SAMD12: variants seen among roughly 807,000 people sequenced by gnomAD.
The protein encoded by SAMD12 is sterile alpha motif domain-containing protein 12.
A neutral mutation model predicts 15.0 loss-of-function variants in SAMD12; 9 were observed. The ratio of observed to expected loss-of-function variants is 0.60; its 90% CI spans 0.36 to 1.05. The LOEUF (loss-of-function observed/expected upper bound fraction) is 1.05. Among genes scored for constraint, SAMD12 ranks in the 50% least tolerant of loss-of-function variants. SAMD12 has a pLI of 0.01. For synonymous variants in SAMD12, 86 were observed against 90.1 expected, an observed-to-expected ratio of 0.96 and a Z score of 0.25; for missense variants, 230 against 234.2, an observed-to-expected ratio of 0.98 and a Z score of 0.12.
intron 3 of SAMD12, among the ~76,000 whole-genome samples, chr8:118,439,596 C>A (rs1006806423): frequency 6.7e-6 from 1 of 149,456 alleles, no homozygotes; most frequent in Non-Finnish European, 1.5e-5. Context: ...ACCCTGCACC[C>A]TGATTCCCAT....
At chr8:118,353,583 G>C (rs1818069437) in intron 4 of SAMD12, among the ~76,000 whole-genome samples, 1 of 152,154 alleles carries the variant, frequency 6.6e-6, no homozygotes, top group Admixed American at 6.5e-5. Context: ...CTGGAACCAT[G>C]AGAAATAGAT....
intron 2 of SAMD12, among the ~76,000 whole-genome samples, chr8:118,521,604 G>A (rs1312807473): frequency 5.3e-5 from 8 of 152,192 alleles, no homozygotes; most frequent in Admixed American, 1.3e-4. Flanking sequence ...TATGGCTGAA[G>A]TGACTGATGC....
At chr8:118,540,161 T>G (rs1424643289) in intron 2 of SAMD12, among the ~76,000 whole-genome samples, 1 of 152,132 alleles carries the variant, frequency 6.6e-6, no homozygotes, top group African/African-American at 2.4e-5. Flanking sequence ...CAGATGCCAG[T>G]TCTATTTCAT....
chr8:118,279,759 A>G (rs1437383692), intron 4 of SAMD12, among the ~76,000 whole-genome samples: 4 of 152,232 alleles, frequency 2.6e-5, no homozygotes, highest in Admixed American at 1.3e-4. Flanking sequence ...TATTTGATGC[A>G]TTATTGCTGA....
intron 4 of SAMD12, among the ~76,000 whole-genome samples, chr8:118,363,219 G>C (rs1818590166): frequency 6.6e-6 from 1 of 152,158 alleles, no homozygotes; most frequent in South Asian, 2.1e-4. Context: ...CACTGCGATG[G>C]TTAATTTTGT....
At chr8:118,269,687 T>A (rs1392599065) in intron 4 of SAMD12, among the ~76,000 whole-genome samples, 1 of 152,208 alleles carries the variant, frequency 6.6e-6, no homozygotes, top group Non-Finnish European at 1.5e-5. Flanking sequence ...CAAGACGTTT[T>A]ATTCAATCAG....
intron 4 of SAMD12, among the ~76,000 whole-genome samples, chr8:118,251,382 C>T (rs1372356239): frequency 6.6e-6 from 1 of 152,020 alleles, no homozygotes; most frequent in Non-Finnish European, 1.5e-5. Context: ...TCAAAGCCCG[C>T]CCTGGTTTTT....
At chr8:118,190,352 T>G (rs768577390) in exon 5 of SAMD12, 7 of 152,188 alleles carry the variant, frequency 4.6e-5, no homozygotes, top group Non-Finnish European at 8.8e-5. Flanking sequence ...CCTCTCAGTT[T>G]GGCACCTCCA....
intron 1 of SAMD12, among the ~76,000 whole-genome samples, chr8:118,616,596 C>T (rs1199001013): frequency 2.0e-5 from 3 of 152,210 alleles, no homozygotes; most frequent in Non-Finnish European, 2.9e-5. Context: ...AATCAACTCT[C>T]TGATGAGCAA....
At chr8:118,195,114 T>TA (rs1378522818) in exon 5 of SAMD12, 3 of 152,132 alleles carry the variant, frequency 2.0e-5, no homozygotes, top group African/African-American at 7.2e-5. Flanking sequence ...TCCTTTGACT[T>TA]AAAAAAACAA....
chr8:118,483,829 G>A (rs541833664), intron 2 of SAMD12, among the ~76,000 whole-genome samples: 29 of 152,122 alleles, frequency 1.9e-4, no homozygotes, highest in Middle Eastern at 3.4e-3. Flanking sequence ...CCCCCATTTC[G>A]TTGACAAGAA....
chr8:118,596,944 C>A (rs1024652771), intron 1 of SAMD12, among the ~76,000 whole-genome samples: 4 of 152,076 alleles, frequency 2.6e-5, no homozygotes, highest in African/African-American at 9.7e-5. Context: ...GACAGGAAAC[C>A]CCCACCTAGT....
the SAMD12 span, among the ~76,000 whole-genome samples, chr8:118,180,626 G>T: frequency 1.3e-5 from 2 of 152,066 alleles, no homozygotes; most frequent in Non-Finnish European, 2.9e-5. Flanking sequence ...AGGTTGGAGT[G>T]CAGTGGTGTG....
the SAMD12 span, among the ~76,000 whole-genome samples, chr8:118,147,421 C>T: frequency 4.1e-5 from 6 of 147,074 alleles, no homozygotes; most frequent in South Asian, 2.2e-4. Context: ...AGTGCAATGG[C>T]GCAATCTTGG....
intron 4 of SAMD12, among the ~76,000 whole-genome samples, chr8:118,246,508 C>T (rs1812701652): frequency 6.6e-6 from 1 of 152,034 alleles, no homozygotes; most frequent in African/African-American, 2.4e-5. Context: ...AAAATGAAAC[C>T]CTAATAATCT....
At chr8:118,233,890 A>T (rs1269499568) in intron 4 of SAMD12, among the ~76,000 whole-genome samples, 3 of 152,118 alleles carry the variant, frequency 2.0e-5, no homozygotes, top group Non-Finnish European at 4.4e-5. Context: ...AGTCCAAAGG[A>T]TGGGGTAGCT....
At chr8:118,461,497 C>A (rs894454562) in intron 2 of SAMD12, among the ~76,000 whole-genome samples, 4 of 152,192 alleles carry the variant, frequency 2.6e-5, no homozygotes, top group African/African-American at 7.2e-5. Flanking sequence ...CAATTCCGTT[C>A]TTCTCAGCAG....
intron 2 of SAMD12, among the ~76,000 whole-genome samples, chr8:118,465,559 C>T (rs1302593406): frequency 1.3e-5 from 2 of 152,180 alleles, no homozygotes; most frequent in African/African-American, 2.4e-5. Context: ...TTCGGACACA[C>T]ACACAGCAAA....
chr8:118,247,272 T>C lies in SAMD12; in HGVS notation c.434-49540A>G, dbSNP rs190668933. Among the ~76,000 whole-genome samples, 418 of 152,048 alleles carry C rather than the reference T, an allele frequency of 2.7e-3. 3 individuals are homozygous for C. Among genetic ancestry groups the C allele is most frequent in the African/African-American group, 9.4e-3 (392 of 41,498 alleles). ...GGCTGGGGAGAAGGAGGGGCACGGA[T>C]AGGGAAAGGAGAGACATTGATCAAA... On this transcript the variant is annotated intron_variant, in intron 4 of 4. Transcript: ENST00000409003.
Sources: allele counts gnomAD v4.1 joint callset (sites outside exome capture counted in the v4.1 genomes callset), GRCh38; gene constraint gnomAD v4.1.1; transcripts MANE v1.5; gene names NCBI Gene and HGNC (gene_info 2026-07-23, HGNC 2026-07-21).